The following TMEM61 variants were observed in gnomAD, a reference collection of about 807,000 sequenced individuals.
TMEM61 encodes the protein transmembrane protein 61.
A neutral mutation model predicts 12.0 loss-of-function variants in TMEM61; 13 were observed. That is an observed-to-expected ratio of 1.08 (90% confidence interval 0.70 to 1.72). The LOEUF is 1.72. Among genes scored for constraint, TMEM61 ranks in the 40% most tolerant of loss-of-function variants. The probability of loss-of-function intolerance (pLI) is 0.00; values close to 1 mark genes in which losing one functional copy is unlikely to be tolerated. For missense variants in TMEM61, 249 were observed against 276.9 expected, an observed-to-expected ratio of 0.90 and a Z score of 0.71; for synonymous variants, 109 against 121.4, an observed-to-expected ratio of 0.90 and a Z score of 0.67.
chr1:54,980,633 T>C lies in TMEM61; in HGVS notation c.-433T>C, dbSNP rs1644211327. ...GGCGGGGCGGGCTGGGCGACAGCGC[T>C]GGACACCTGGAGCTGCCCGAGGACG... On this transcript the variant is annotated 5_prime_UTR_variant, in exon 1 of 3. Coordinates refer to ENST00000371268, the MANE Select transcript of TMEM61 (RefSeq NM_182532.3). Among the ~76,000 whole-genome samples, 1 of 152,090 alleles carries C rather than the reference T, an allele frequency of 6.6e-6. No homozygotes were observed. Among genetic ancestry groups the C allele is most frequent in the African/African-American group, 2.4e-5 (1 of 41,448 alleles).
chr1:54,981,214 G>A, intron 1 of TMEM61, 134 bp downstream of exon 1: 1 of 989,138 alleles, frequency 1.0e-6, no homozygotes. Flanking sequence ...CTCTGCCTGG[G>A]TTTTATCTTG....
chr1:54,985,956 A>G, intron 1 of TMEM61, 141 bp from the exon 2 acceptor site: 1 of 695,442 alleles, frequency 1.4e-6, no homozygotes, highest in Non-Finnish European at 2.3e-6. Context: ...TCTCCACTTC[A>G]CAGATGAGGA....
chr1:54,985,358 TC>T, intron 1 of TMEM61, among the ~76,000 whole-genome samples: 1 of 152,100 alleles, frequency 6.6e-6, no homozygotes, highest in East Asian at 1.9e-4. Context: ...TGCCTCAGCC[TC>T]CCGAGTAGCT....
intron 2 of TMEM61, among the ~76,000 whole-genome samples, chr1:54,988,973 G>A (rs532001847): frequency 6.6e-6 from 1 of 152,334 alleles, no homozygotes; most frequent in Non-Finnish European, 1.5e-5. Context: ...CAACTGGGGT[G>A]AAGACCTTTT....
At chr1:54,991,157 A>T (rs1272485986) in intron 2 of TMEM61, among the ~76,000 whole-genome samples, 1 of 152,172 alleles carries the variant, frequency 6.6e-6, no homozygotes, top group Non-Finnish European at 1.5e-5. Flanking sequence ...GGCGTGGGTG[A>T]TCTGTCTCAG....
Position 54,986,305 on chromosome 1 carries a change from G to A in TMEM61, c.224G>A (p.Gly75Asp), listed in dbSNP as rs1398714722. ...AGGTCCGTCAGCTTCGTCTGCTGCG[G>A]TGCAGGTGGCCTGCTGCTGCTCATT... Reference protein sequence around the residue: ...LLRSVSFVCCGAGGLLLLIGL... With the variant: ...LLRSVSFVCCDAGGLLLLIGL... Residue 75 changes from glycine (G) to aspartate (D), a missense_variant, in exon 2 of 3, where the codon GGT becomes GAT. Physicochemically the swap from Gly to Asp is moderately conservative, Grantham distance 94. Coordinates refer to ENST00000371268, the MANE Select transcript of TMEM61 (RefSeq NM_182532.3). 6.2e-7 allele frequency: 1 copy of A among 1,614,020 alleles called. No homozygotes were observed. Among genetic ancestry groups the A allele is most frequent in the Non-Finnish European group, 8.5e-7 (1 of 1,180,038 alleles).
At chr1:54,984,070 A>G (rs1221907994) in intron 1 of TMEM61, among the ~76,000 whole-genome samples, 4 of 152,042 alleles carry the variant, frequency 2.6e-5, no homozygotes, top group East Asian at 1.9e-4. Flanking sequence ...ACACACACAC[A>G]CGTGTGTTTT....
At chr1:54,990,534 C>G (rs1274789939) in intron 2 of TMEM61, among the ~76,000 whole-genome samples, 1 of 151,650 alleles carries the variant, frequency 6.6e-6, no homozygotes, top group Non-Finnish European at 1.5e-5. Flanking sequence ...TCTTCTGTTC[C>G]CCAGACTGGC....
intron 1 of TMEM61, among the ~76,000 whole-genome samples, chr1:54,984,811 G>A (rs1237913615): frequency 6.6e-6 from 1 of 152,180 alleles, no homozygotes. Context: ...GCTGAGCTGA[G>A]CCTTGAGGGG....
chr1:54,987,961 G>T (rs1046000587), intron 2 of TMEM61, among the ~76,000 whole-genome samples: 1 of 152,246 alleles, frequency 6.6e-6, no homozygotes, highest in Non-Finnish European at 1.5e-5. Context: ...AGATGATGCA[G>T]TACAGTCAGC....
chr1:54,983,138 G>C (rs1433900251), intron 1 of TMEM61, among the ~76,000 whole-genome samples: 1 of 39,460 alleles, frequency 2.5e-5, no homozygotes, highest in Non-Finnish European at 9.3e-5. Context: ...TTTTGAGAAA[G>C]AGTCTCACTC....
rs72907618 is a variant in TMEM61 at position 54,982,080 on chromosome 1, C to T, written c.15+1000C>T. On this transcript the variant is annotated intron_variant, in intron 1 of 2. Transcript: ENST00000371268. ...TCCCTGTGCCTCACTTACAGCCTGCCGTCTTGCCATCTCATTTTCATTACC... is the reference window on the plus strand; with the variant it reads ...TCCCTGTGCCTCACTTACAGCCTGCTGTCTTGCCATCTCATTTTCATTACC... Among the ~76,000 whole-genome samples the T allele has an allele frequency of 6.8e-3, 1,032 of 152,240 alleles. 11 individuals are homozygous for T. The highest frequency in any genetic ancestry group is 0.023 in the African/African-American group (967 of 41,526).
In TMEM61 at chr1:54,981,004, C is replaced by T. The variant is rs1426070511; in HGVS notation, c.-62C>T. ...CGCTCAGCCCTGGCGTCCTCCACCA[C>T]CACACCTTCACCTGCGCCCGGCTCC... On this transcript the variant is annotated 5_prime_UTR_variant, in exon 1 of 3. Coordinates refer to ENST00000371268, the MANE Select transcript of TMEM61 (RefSeq NM_182532.3). 2.0e-6 allele frequency: 3 copies of T among 1,518,976 alleles called. No homozygotes were observed. The highest frequency in any genetic ancestry group is 1.2e-5 in the South Asian group (1 of 80,178). 94.1% of individuals were successfully genotyped at this position (1,518,976 alleles called of 1,614,324 possible).
At chr1:54,981,617 CAAACA>C (rs145276143) in intron 1 of TMEM61, among the ~76,000 whole-genome samples, 2,768 of 152,240 alleles carry the variant, frequency 0.018, 73 homozygotes, top group African/African-American at 0.06. Context: ...GATGGAATCT[CAAACA>C]AAACAAAACA....
rs1158722542 is a variant in TMEM61 at position 54,983,116 on chromosome 1, TTTTTTG to T, written c.15+2042_15+2047del. ...TGATTTGTGTTTTGCTTTGTTTTTT[TTTTTTG>T]TTTTTTTTTGAGAAAGAGTCTCACT... is the stretch of plus-strand genomic sequence containing the variant. On this transcript the variant is annotated intron_variant, in intron 1 of 2. Coordinates refer to ENST00000371268, the MANE Select transcript of TMEM61 (RefSeq NM_182532.3). 8.5e-5 allele frequency among the ~76,000 whole-genome samples: 11 copies of T among 129,716 alleles called. 3 individuals carry two copies. Among genetic ancestry groups the T allele is most frequent in the South Asian group, 8.1e-4 (3 of 3,700 alleles). The allele number at this position is 129,716 out of a possible 152,430, so 85.1% of individuals were successfully genotyped here.
chr1:54,989,470 G>A (rs1644281201), intron 2 of TMEM61, among the ~76,000 whole-genome samples: 1 of 151,646 alleles, frequency 6.6e-6, no homozygotes, highest in Admixed American at 6.6e-5. Context: ...GCCCCAACCA[G>A]ACTCCAAAGA....
rs1490594045 is a variant in TMEM61, at chr1:54,986,418, G to T, written c.337G>T (p.Val113Leu). ...CTCCAGAGACCTGTACTACCTCACT[G>T]TGGAGTCCTCAGAGAAGGAGAGCTG... is the stretch of plus-strand genomic sequence containing the variant. ...HLSRDLYYLT[V>L]ESSEKESCRT... Residue 113 changes from valine (V) to leucine (L), a missense_variant, in exon 2 of 3, where the codon GTG (valine) becomes TTG (leucine). By Grantham distance (32) the Val-to-Leu change is conservative. Coordinates refer to ENST00000371268, the MANE Select transcript of TMEM61 (RefSeq NM_182532.3). The T allele has an allele frequency of 6.3e-7, 1 of 1,584,362 alleles. No homozygotes were observed. The highest frequency in any genetic ancestry group is 1.7e-5 in the Admixed American group (1 of 58,042).
chr1:54,986,556 T>C (rs1217931006), intron 2 of TMEM61, 110 bp downstream of exon 2: 2 of 998,966 alleles, frequency 2.0e-6, no homozygotes, highest in Admixed American at 2.5e-5. Flanking sequence ...GGGTTCCTCC[T>C]TTGGATCAGG....
chr1:54,986,439 A>G lies in TMEM61; in HGVS notation c.358A>G (p.Ser120Gly). ...YLTVESSEKESCRTPKVVDIP... is the reference protein window; with the variant it reads ...YLTVESSEKEGCRTPKVVDIP... Reference sequence around the variant, plus strand: ...CACTGTGGAGTCCTCAGAGAAGGAGAGCTGCAGGTCAGCAGGGCGGGGTGT... The same window carrying G: ...CACTGTGGAGTCCTCAGAGAAGGAGGGCTGCAGGTCAGCAGGGCGGGGTGT... Residue 120 changes from serine to glycine, a missense_variant, in exon 2 of 3, where the codon AGC (serine) becomes GGC (glycine). Physicochemically the swap from Ser to Gly is moderately conservative, Grantham distance 56. Coordinates refer to ENST00000371268, the MANE Select transcript of TMEM61 (RefSeq NM_182532.3). 2 of 1,559,340 alleles carry G rather than the reference A, an allele frequency of 1.3e-6. No individual in the cohort carries two copies. Among genetic ancestry groups the G allele is most frequent in the Non-Finnish European group, 8.7e-7 (1 of 1,145,664 alleles).
Sources: gnomAD v4.1 joint callset for allele counts (sites outside exome capture counted in the v4.1 genomes callset) on GRCh38, gnomAD v4.1.1 for gene constraint, MANE v1.5 for transcripts, NCBI Gene and HGNC (gene_info 2026-07-23, HGNC 2026-07-21) for gene names.